AKR1B1: variants seen among roughly 807,000 people sequenced by gnomAD.
AKR1B1 encodes aldo-keto reductase family 1 member B1.
AKR1B1 carries 22 observed loss-of-function variants against 40.4 expected under a neutral mutation model. The observed-to-expected ratio is 0.54, with a 90% CI of 0.39 to 0.78. AKR1B1 has a LOEUF of 0.78. Ranked by LOEUF, AKR1B1 falls within the 30% of genes least tolerant of loss-of-function variation. The probability of loss-of-function intolerance (pLI) is 0.00; values close to 1 mark genes in which losing one functional copy is unlikely to be tolerated. For synonymous variants in AKR1B1, 157 were observed against 149.9 expected, an observed-to-expected ratio of 1.05 and a Z score of -0.35; for missense variants, 357 against 396.7, an observed-to-expected ratio of 0.90 and a Z score of 0.85.
At chr7:134,450,584 C>T (rs1230078065) in intron 3 of AKR1B1, among the ~76,000 whole-genome samples, 4 of 152,184 alleles carry the variant, frequency 2.6e-5, no homozygotes, top group Non-Finnish European at 2.9e-5. Context: ...ACTGCTGGTG[C>T]GGATTCAAAT....
Position 134,442,737 on chromosome 7 carries a change from T to A in AKR1B1, c.942A>T (p.Glu314Asp), listed in dbSNP as rs757815855. The A allele has an allele frequency of 7.4e-5, 120 of 1,613,768 alleles. No individual in the cohort carries two copies. The highest frequency in any genetic ancestry group is 9.7e-5 in the Non-Finnish European group (114 of 1,179,818). ...CTSHKDYPFH[E>D]EF Reference sequence around the variant, plus strand: ...GCAGGCAACCACAGCTTCAAAACTCTTCATGGAAGGGGTAATCCTTGTGGG... The same window carrying A: ...GCAGGCAACCACAGCTTCAAAACTCATCATGGAAGGGGTAATCCTTGTGGG... Residue 314 changes from glutamate (E) to aspartate (D), a missense_variant, in exon 10 of 10, where the codon GAA (glutamate) becomes GAT (aspartate). Coordinates refer to ENST00000285930, the MANE Select transcript of AKR1B1 (RefSeq NM_001628.4).
intron 4 of AKR1B1, 109 bp downstream of exon 4, chr7:134,449,611 C>A: frequency 6.4e-6 from 6 of 933,252 alleles, no homozygotes; most frequent in Admixed American, 5.4e-5. Flanking sequence ...AGAGAGCAAA[C>A]AACAGGGACA....
rs1164293382 is a variant in AKR1B1 at position 134,445,330 on chromosome 7, A to G, written c.826-10T>C. The G allele has an allele frequency of 6.2e-7, 1 of 1,609,370 alleles. No homozygotes were observed. Among genetic ancestry groups the G allele is most frequent in the Non-Finnish European group, 8.5e-7 (1 of 1,177,578 alleles). ...GTTCAAAGTCAAAGACCTAAAAAAC[A>G]AACAAAAAAATCCAGTAAGCTCTGC... is the stretch of plus-strand genomic sequence containing the variant. On this transcript the variant is annotated splice_polypyrimidine_tract_variant and intron_variant, in intron 8 of 9. Transcript: ENST00000285930.
chr7:134,442,967 G>A (rs905198721), intron 9 of AKR1B1, among the ~76,000 whole-genome samples, 197 bp from the exon 10 acceptor site: 1 of 152,154 alleles, frequency 6.6e-6, no homozygotes, highest in Non-Finnish European at 1.5e-5. Context: ...TACCACTACT[G>A]TCATCAAGCA....
chr7:134,449,393 T>C (rs955358481), intron 4 of AKR1B1: 10 of 562,682 alleles, frequency 1.8e-5, no homozygotes, highest in Middle Eastern at 4.8e-4. Flanking sequence ...AAGACCATCC[T>C]GGCTAACACG....
chr7:134,450,269 AGGCAGT>A (rs751605167), intron 3 of AKR1B1, among the ~76,000 whole-genome samples: 52 of 152,238 alleles, frequency 3.4e-4, no homozygotes, highest in Non-Finnish European at 5.4e-4. Context: ...CAGAAAACTG[AGGCAGT>A]GGCTAGAAAA....
intron 2 of AKR1B1, chr7:134,451,184 C>G (rs539900559): frequency 9.0e-6 from 5 of 555,628 alleles, no homozygotes; most frequent in Non-Finnish European, 1.3e-5. Flanking sequence ...ACTTTCCCCC[C>G]GGGCTGGTGT....
chr7:134,444,594 G>A lies in AKR1B1; in HGVS notation c.908+644C>T, dbSNP rs75442249. ...AGAGTCTCAGTCTCCACTGCAAAAT[G>A]AGAAGTTCCTTCTTGAAAGCAGAAA... On this transcript the variant is annotated intron_variant, in intron 9 of 9. Coordinates refer to ENST00000285930, the MANE Select transcript of AKR1B1 (RefSeq NM_001628.4). 6.2e-3 allele frequency: 978 copies of A among 158,854 alleles called. 11 individuals are homozygous for A. Among genetic ancestry groups the A allele is most frequent in the African/African-American group, 0.023 (952 of 41,616 alleles). The allele number at this position is 158,854 out of a possible 1,614,324, so 9.8% of individuals were successfully genotyped here.
At position 134,442,606 on chromosome 7, in the gene AKR1B1, G is replaced by T. The variant is rs2117442936; in HGVS notation, c.*122C>A. On this transcript the variant is annotated 3_prime_UTR_variant, in exon 10 of 10. Transcript: ENST00000285930. ...ACATCAAGCTAGACACGCCCTCGCT[G>T]GCCACTCTACAGGTTGCTGTCCCAC... 1.1e-6 allele frequency: 1 copy of T among 887,214 alleles called. No individual in the cohort carries two copies. The highest frequency in any genetic ancestry group is 1.8e-6 in the Non-Finnish European group (1 of 549,460). The allele number at this position is 887,214 out of a possible 1,614,324, so 55.0% of individuals were successfully genotyped here.
At position 134,448,044 on chromosome 7, in the gene AKR1B1, G is replaced by A. The variant is rs200903070; in HGVS notation, c.677C>T (p.Pro226Leu). The change falls in exon 7 of 10, where the codon CCT becomes CTT. Residue 226 changes from proline (P) to leucine (L), a missense_variant. Pro to Leu is a moderately conservative substitution (Grantham distance 98). Coordinates refer to ENST00000285930, the MANE Select transcript of AKR1B1 (RefSeq NM_001628.4). The stretch of plus-strand genomic sequence containing the variant: ...GATCCTGGGATCCTCCAGGAGAGAA[G>A]GGTCCTCGGGCTTGGCCCTGAGGAT... Reference protein sequence around the residue: ...PDRPWAKPEDPSLLEDPRIKA... With the variant: ...PDRPWAKPEDLSLLEDPRIKA... The A allele has an allele frequency of 1.1e-4, 173 of 1,612,708 alleles. No homozygotes were observed. The highest frequency in any genetic ancestry group is 1.7e-4 in the Middle Eastern group (1 of 5,822).
chr7:134,447,677 G>C lies in AKR1B1; in HGVS notation c.742-296C>G, dbSNP rs56205751. Reference sequence around the variant, plus strand: ...AATGCACACTACCACTCAGGAGAAAGAACATTCCCTGCACGGCTAAGAGCT... The same window carrying C: ...AATGCACACTACCACTCAGGAGAAACAACATTCCCTGCACGGCTAAGAGCT... On this transcript the variant is annotated intron_variant, in intron 7 of 9. Transcript: ENST00000285930. 3.5e-3 allele frequency: 2,147 copies of C among 611,076 alleles called. 7 individuals are homozygous for C. The highest frequency in any genetic ancestry group is 4.8e-3 in the Non-Finnish European group (1,658 of 342,650). The allele number at this position is 611,076 out of a possible 1,614,324, so 37.9% of individuals were successfully genotyped here. A position where few individuals can be genotyped will look rare whatever the true frequency, so the allele number is the denominator to read the frequency against.
intron 8 of AKR1B1, among the ~76,000 whole-genome samples, chr7:134,446,374 T>C (rs1434759635): frequency 6.6e-6 from 1 of 152,210 alleles, no homozygotes; most frequent in Non-Finnish European, 1.5e-5. Context: ...GCAGGCACTA[T>C]GGCCACAGTC....
At chr7:134,447,454 A>C in intron 7 of AKR1B1, 73 bp from the exon 8 acceptor site, 1 of 1,301,292 alleles carries the variant, frequency 7.7e-7, no homozygotes, top group Non-Finnish European at 1.1e-6. Context: ...TCTCTCACAC[A>C]CACAACCTGC....
At chr7:134,443,633 C>T (rs925264930) in intron 9 of AKR1B1, among the ~76,000 whole-genome samples, 1 of 151,334 alleles carries the variant, frequency 6.6e-6, no homozygotes, top group Non-Finnish European at 1.5e-5. Context: ...TGTCAAGGCT[C>T]ACTCACTGTC....
chr7:134,455,053 C>A (rs544875349), intron 1 of AKR1B1, among the ~76,000 whole-genome samples: 1 of 152,188 alleles, frequency 6.6e-6, no homozygotes, highest in African/African-American at 2.4e-5. Context: ...ATGCCCACAG[C>A]GCCTCAACCC....
rs755234075 is a variant in AKR1B1 at position 134,449,729 on chromosome 7, G to A, written c.420C>T (p.Asp140=). Residue 140 remains aspartate (D), a synonymous_variant, in exon 4 of 10, where the codon GAC becomes GAT. Coordinates refer to ENST00000285930, the MANE Select transcript of AKR1B1 (RefSeq NM_001628.4). ...CCAGGGGCTGTCTTACCGCCCACGT[G>A]TCCAGAATGTTGGTGTCACTGGGAA... The part of the protein sequence containing the change: ...NVVPSDTNIL[D]TWAAMEELVD... 61 of 1,613,956 alleles carry A rather than the reference G, an allele frequency of 3.8e-5. 6 individuals are homozygous for A. In the South Asian group the frequency reaches 6.7e-4, roughly 18 times the overall value.
rs765212760 is a variant in AKR1B1 at position 134,448,045 on chromosome 7, G to C, written c.676C>G (p.Pro226Ala). ...ATCCTGGGATCCTCCAGGAGAGAAG[G>C]GTCCTCGGGCTTGGCCCTGAGGATA... ...PDRPWAKPED[P>A]SLLEDPRIKA... Residue 226 changes from proline to alanine, a missense_variant, in exon 7 of 10, where the codon CCT becomes GCT. By Grantham distance (27) the Pro-to-Ala change is conservative. Coordinates refer to ENST00000285930, the MANE Select transcript of AKR1B1 (RefSeq NM_001628.4). 1.2e-6 allele frequency: 2 copies of C among 1,612,728 alleles called. No individual in the cohort carries two copies. The highest frequency in any genetic ancestry group is 1.1e-5 in the South Asian group (1 of 90,628).
intron 4 of AKR1B1, 175 bp from the exon 5 acceptor site, chr7:134,449,294 A>C: frequency 1.1e-6 from 1 of 913,256 alleles, no homozygotes; most frequent in Non-Finnish European, 1.8e-6. Flanking sequence ...ATGAGATAAG[A>C]AGAGCAAACA....
In AKR1B1 at chr7:134,448,019, G is replaced by A; in HGVS notation, c.702C>T (p.Ile234=). The change falls in exon 7 of 10, where the codon ATC becomes ATT. Residue 234 remains isoleucine, a synonymous_variant. Coordinates refer to ENST00000285930, the MANE Select transcript of AKR1B1 (RefSeq NM_001628.4). ...TATTGTGCTTGGCTGCGATCGCCTT[G>A]ATCCTGGGATCCTCCAGGAGAGAAG... is the stretch of plus-strand genomic sequence containing the variant. ...EDPSLLEDPR[I]KAIAAKHNKT... 1 of 1,613,342 alleles carries A rather than the reference G, an allele frequency of 6.2e-7. No individual in the cohort carries two copies. Among genetic ancestry groups the A allele is most frequent in the East Asian group, 2.2e-5 (1 of 44,840 alleles).
Sources: gnomAD v4.1 joint callset for allele counts (sites outside exome capture counted in the v4.1 genomes callset) on GRCh38, gnomAD v4.1.1 for gene constraint, MANE v1.5 for transcripts, NCBI Gene and HGNC (gene_info 2026-07-23, HGNC 2026-07-21) for gene names.